The following CRPPA variants were observed in gnomAD, a reference collection of about 807,000 sequenced individuals.
CRPPA encodes the protein D-ribitol-5-phosphate cytidylyltransferase.
A neutral mutation model predicts 52.0 loss-of-function variants in CRPPA; 43 were observed. The ratio of observed to expected loss-of-function variants is 0.83; its 90% confidence interval spans 0.65 to 1.07. The LOEUF is 1.07. Ranked by LOEUF, CRPPA falls within the 50% of genes least tolerant of loss-of-function variation. CRPPA has a pLI of 0.00. For synonymous variants in CRPPA, 250 were observed against 203.5 expected (o/e 1.23, Z -1.94); for missense variants, 629 against 551.7 (o/e 1.14, Z -1.40).
intron 3 of CRPPA, among the ~76,000 whole-genome samples, chr7:16,335,356 C>A (rs1239675495): frequency 6.6e-6 from 1 of 151,976 alleles, no homozygotes; most frequent in African/African-American, 2.4e-5. Context: ...CCTTCCCCCA[C>A]CCTCTGCAGA....
intron 2 of CRPPA, among the ~76,000 whole-genome samples, chr7:16,400,907 G>A (rs943446642): frequency 6.6e-6 from 1 of 152,196 alleles, no homozygotes; most frequent in Non-Finnish European, 1.5e-5. Context: ...GGTGAGGTCT[G>A]GGGGAATCCT....
intron 1 of CRPPA, among the ~76,000 whole-genome samples, chr7:16,420,174 A>C (rs1788291895): frequency 6.6e-6 from 1 of 152,212 alleles, no homozygotes; most frequent in Admixed American, 6.5e-5. Flanking sequence ...TGTATGCTAA[A>C]GGATGACATC....
intron 8 of CRPPA, among the ~76,000 whole-genome samples, chr7:16,231,637 C>T (rs1583450960): frequency 1.3e-5 from 2 of 151,590 alleles, no homozygotes; most frequent in Non-Finnish European, 1.5e-5. Context: ...ACAGACTGAA[C>T]TTTTTCTTAT....
intron 9 of CRPPA, among the ~76,000 whole-genome samples, chr7:16,108,080 GTA>G (rs1324396766): frequency 6.6e-6 from 1 of 151,850 alleles, no homozygotes; most frequent in Non-Finnish European, 1.5e-5. Context: ...AAAAAATACA[GTA>G]TCTACAAAAT....
intron 2 of CRPPA, among the ~76,000 whole-genome samples, chr7:16,397,400 T>G (rs560404739): frequency 6.6e-6 from 1 of 152,336 alleles, no homozygotes; most frequent in South Asian, 2.1e-4. Context: ...ATGTGACAAC[T>G]GACACGTAAT....
At chr7:16,208,268 A>G (rs1782021559) in intron 9 of CRPPA, among the ~76,000 whole-genome samples, 1 of 152,196 alleles carries the variant, frequency 6.6e-6, no homozygotes, top group African/African-American at 2.4e-5. Flanking sequence ...GGGATAAGGG[A>G]TAATTTTTTA....
At chr7:16,161,399 G>A (rs910788436) in intron 9 of CRPPA, among the ~76,000 whole-genome samples, 1 of 152,162 alleles carries the variant, frequency 6.6e-6, no homozygotes, top group East Asian at 1.9e-4. Flanking sequence ...ATGAAGAGGT[G>A]TTGAATTTTG....
At chr7:16,351,788 A>C (rs568873130) in intron 3 of CRPPA, among the ~76,000 whole-genome samples, 1 of 152,312 alleles carries the variant, frequency 6.6e-6, no homozygotes, top group African/African-American at 2.4e-5. Flanking sequence ...GATGTGGAGA[A>C]AGAAGAAAGC....
intron 5 of CRPPA, among the ~76,000 whole-genome samples, chr7:16,280,440 C>G (rs1413359700): frequency 6.6e-6 from 1 of 152,140 alleles, no homozygotes; most frequent in Non-Finnish European, 1.5e-5. Context: ...TCTGAAAGCT[C>G]CTCATGAAAA....
At chr7:16,149,581 C>G (rs1783035886) in intron 9 of CRPPA, among the ~76,000 whole-genome samples, 1 of 152,178 alleles carries the variant, frequency 6.6e-6, no homozygotes, top group African/African-American at 2.4e-5. Flanking sequence ...CATACTATCA[C>G]TTATATTTAA....
chr7:16,278,077 A>C (rs1784246392), intron 6 of CRPPA, 52 bp downstream of exon 6: 4 of 885,924 alleles, frequency 4.5e-6, no homozygotes, highest in African/African-American at 3.4e-5. Flanking sequence ...TCTTTATACT[A>C]TAAAAGTTTT....
intron 9 of CRPPA, among the ~76,000 whole-genome samples, chr7:16,201,448 T>A (rs1351725695): frequency 1.3e-5 from 2 of 152,136 alleles, no homozygotes. Context: ...AGCCCAACCA[T>A]AAACGAAATG....
At chr7:16,216,414 GA>G in intron 8 of CRPPA, 1 of 352,914 alleles carries the variant, frequency 2.8e-6, no homozygotes, top group Non-Finnish European at 5.1e-6. Context: ...AAACGAGGTT[GA>G]AAAACCAAAT....
rs570724493 is a variant in CRPPA at position 16,166,281 on chromosome 7, T to C, written c.1251+49785A>G. 1.4e-4 allele frequency among the ~76,000 whole-genome samples: 21 copies of C among 150,556 alleles called. 1 individual carries two copies. In the South Asian group the frequency reaches 4.4e-3, roughly 32 times the overall value. On this transcript the variant is annotated intron_variant, in intron 9 of 9. Coordinates refer to ENST00000407010, the MANE Select transcript of CRPPA (RefSeq NM_001101426.4). ...GATTCCTAACACTACTGGTACAGCC[T>C]AAACTTTTTTTTTTTTGAGATAGAG... is the stretch of plus-strand genomic sequence containing the variant.
chr7:16,396,081 C>G (rs1787561253), intron 2 of CRPPA, among the ~76,000 whole-genome samples: 1 of 152,098 alleles, frequency 6.6e-6, no homozygotes, highest in African/African-American at 2.4e-5. Flanking sequence ...AGTAAAATTT[C>G]TTTAGATCCA....
chr7:16,390,285 A>G (rs767909738), intron 2 of CRPPA, among the ~76,000 whole-genome samples: 1 of 152,104 alleles, frequency 6.6e-6, no homozygotes, highest in Non-Finnish European at 1.5e-5. Flanking sequence ...CTTTCGATAT[A>G]TATCTTCTTC....
intron 2 of CRPPA, among the ~76,000 whole-genome samples, chr7:16,399,022 G>A (rs562758732): frequency 6.6e-6 from 1 of 152,352 alleles, no homozygotes; most frequent in African/African-American, 2.4e-5. Flanking sequence ...ATTGACATGT[G>A]ACCAACACGT....
chr7:16,334,590 T>A lies in CRPPA; in HGVS notation c.685-25963A>T, dbSNP rs144556294. ...CACACAATCCTGCCTAACTACAGAT[T>A]CTGGTACTGCCCAGAAAAAGACGAC... On this transcript the variant is annotated intron_variant, in intron 3 of 9. Coordinates refer to ENST00000407010, the MANE Select transcript of CRPPA (RefSeq NM_001101426.4). Among the ~76,000 whole-genome samples, 775 of 152,198 alleles carry A rather than the reference T, an allele frequency of 5.1e-3. 2 individuals carry two copies. Among genetic ancestry groups the A allele is most frequent in the African/African-American group, 0.018 (744 of 41,528 alleles).
At chr7:16,419,435 G>A (rs1170973191) in intron 1 of CRPPA, among the ~76,000 whole-genome samples, 1 of 152,138 alleles carries the variant, frequency 6.6e-6, no homozygotes, top group Non-Finnish European at 1.5e-5. Flanking sequence ...ATTGATAATA[G>A]CCCTTTCCCA....
Sources: allele counts gnomAD v4.1 joint callset (sites outside exome capture counted in the v4.1 genomes callset), GRCh38; gene constraint gnomAD v4.1.1; transcripts MANE v1.5; gene names NCBI Gene and HGNC (gene_info 2026-07-23, HGNC 2026-07-21).